SHOX2: variants seen among roughly 807,000 people sequenced by gnomAD.
SHOX2 encodes short stature homeobox protein 2.
SHOX2 carries 13 observed loss-of-function variants against 31.3 expected under a neutral mutation model. That is an observed-to-expected ratio of 0.42 (90% confidence interval 0.27 to 0.66). The LOEUF (loss-of-function observed/expected upper bound fraction) is 0.66, where lower values mean the gene tolerates loss of function less well. SHOX2 is among the 30% of genes least tolerant of loss of function. SHOX2 has a pLI of 0.27. For synonymous variants in SHOX2, 244 were observed against 196.2 expected (o/e 1.24, Z -2.04); for missense variants, 473 against 443.0 (o/e 1.07, Z -0.61).
rs67436323 is a variant in SHOX2, at chr3:158,096,930, A to ATATATATATATATG, written c.*1096_*1097insCATATATATATATA. ...TATATATATATATATATATATATAT[A>ATATATATATATATG]TGGCAAATATATGATATATATATAT... On this transcript the variant is annotated 3_prime_UTR_variant, in exon 5 of 5. Transcript: ENST00000483851. The ATATATATATATATG allele has an allele frequency of 1.5e-3, 152 of 102,124 alleles. 10 individuals are homozygous for ATATATATATATATG. Among genetic ancestry groups the ATATATATATATATG allele is most frequent in the East Asian group, 4.1e-3 (9 of 2,202 alleles). 6.3% of individuals were successfully genotyped at this position (102,124 alleles called of 1,614,324 possible).
intron 1 of SHOX2, chr3:158,103,929 C>T (rs896864962): frequency 6.6e-6 from 1 of 152,282 alleles, no homozygotes; most frequent in Non-Finnish European, 1.5e-5. Flanking sequence ...TCCTGTCCTT[C>T]TCCTCCCTTT....
intron 1 of SHOX2, chr3:158,105,259 T>C: frequency 1.6e-6 from 1 of 644,216 alleles, no homozygotes; most frequent in South Asian, 1.8e-5. Flanking sequence ...CTGCCCCTTC[T>C]CCCTCCCGGC....
intron 1 of SHOX2, among the ~76,000 whole-genome samples, chr3:158,104,786 C>T (rs936616814): frequency 4.6e-5 from 7 of 152,154 alleles, no homozygotes; most frequent in African/African-American, 1.7e-4. Flanking sequence ...TATGTGATTC[C>T]ACGCATGCCA....
chr3:158,105,216 A>C, intron 1 of SHOX2: 2 of 751,112 alleles, frequency 2.7e-6, no homozygotes, highest in Non-Finnish European at 4.7e-6. Context: ...GGCCCCAAAC[A>C]CCTAGGCGAC....
At chr3:158,098,325 G>A (rs1713270110) in intron 4 of SHOX2, 41 bp from the exon 5 acceptor site, 6 of 1,601,784 alleles carry the variant, frequency 3.7e-6, no homozygotes, top group South Asian at 3.4e-5. Context: ...ACTATCCTAG[G>A]GTGACAACAG....
In SHOX2 at chr3:158,106,289, G is replaced by A; in HGVS notation, c.-265C>T. ...GGGAGAAGGGTGAAGAGGAGAGGGA[G>A]GAGGAGGAGGAGAAGAGAAGGGGCG... On this transcript the variant is annotated 5_prime_UTR_variant, in exon 1 of 5. Transcript: ENST00000483851. 2.0e-6 allele frequency: 1 copy of A among 490,904 alleles called. No individual in the cohort carries two copies. Among genetic ancestry groups the A allele is most frequent in the Non-Finnish European group, 3.5e-6 (1 of 284,570 alleles). The allele number at this position is 490,904 out of a possible 1,614,324, so 30.4% of individuals were successfully genotyped here.
In SHOX2 at chr3:158,105,815, G is replaced by GCCGCCT. The variant is rs1337577513; in HGVS notation, c.204_209dup (p.Gly76_Gly77dup). The GCCGCCT allele has an allele frequency of 1.7e-5, 25 of 1,439,130 alleles. No homozygotes were observed. Among genetic ancestry groups the GCCGCCT allele is most frequent in the Non-Finnish European group, 2.2e-5 (24 of 1,086,016 alleles). The allele number at this position is 1,439,130 out of a possible 1,614,324, so 89.1% of individuals were successfully genotyped here. On this transcript the variant is annotated inframe_insertion, in exon 1 of 5. Coordinates refer to ENST00000483851, the MANE Select transcript of SHOX2 (RefSeq NM_001163678.2). ...CTACACCTCCTCCGCCTCCTCCGCC[G>GCCGCCT]CCGCCTCCGCCTCCTCCGCCGCCGC...
chr3:158,097,806 G>T lies in SHOX2; in HGVS notation c.*221C>A, dbSNP rs528334012. ...ATTCTAGGCCCTCGAGTAGGAAAAC[G>T]GGCAGGAGCCACGGAGCCTGCGTGC... On this transcript the variant is annotated 3_prime_UTR_variant, in exon 5 of 5. Coordinates refer to ENST00000483851, the MANE Select transcript of SHOX2 (RefSeq NM_001163678.2). 9.7e-6 allele frequency: 6 copies of T among 619,818 alleles called. No homozygotes were observed. The highest frequency in any genetic ancestry group is 3.7e-5 in the African/African-American group (2 of 54,102). 38.4% of individuals were successfully genotyped at this position (619,818 alleles called of 1,614,324 possible).
At chr3:158,098,695 C>T (rs1713291151) in intron 4 of SHOX2, among the ~76,000 whole-genome samples, 1 of 152,234 alleles carries the variant, frequency 6.6e-6, no homozygotes, top group African/African-American at 2.4e-5. Flanking sequence ...TATCAACAAG[C>T]AAACTACGCA....
intron 4 of SHOX2, among the ~76,000 whole-genome samples, chr3:158,098,637 C>T (rs983531387): frequency 1.3e-5 from 2 of 152,210 alleles, no homozygotes; most frequent in Admixed American, 6.5e-5. Context: ...TTACCCTCTT[C>T]TCTTGATGCT....
At chr3:158,102,932 A>G in intron 1 of SHOX2, 46 bp from the exon 2 acceptor site, 1 of 1,477,126 alleles carries the variant, frequency 6.8e-7, no homozygotes, top group Non-Finnish European at 9.4e-7. Flanking sequence ...CCACACGAAC[A>G]CACACACACA....
chr3:158,102,116 T>C (rs1243616147), intron 2 of SHOX2, among the ~76,000 whole-genome samples: 1 of 152,248 alleles, frequency 6.6e-6, no homozygotes, highest in Non-Finnish European at 1.5e-5. Flanking sequence ...TTCTCCGCTA[T>C]TTCACACACA....
Position 158,098,199 on chromosome 3 carries a change from A to C in SHOX2, c.788T>G (p.Met263Arg). Residue 263 changes from methionine to arginine, a missense_variant, in exon 5 of 5, where the codon ATG becomes AGG. Met to Arg is a moderately conservative substitution (Grantham distance 91). Transcript: ENST00000483851. The part of the protein sequence containing the change: ...HPHLAAHAPY[M>R]MFPAPPFGLP... Reference sequence around the variant, plus strand: ...TCCGAAGGGCGGTGCTGGGAACATCATGTAGGGCGCGTGCGCGGCCAGGTG... The same window carrying C: ...TCCGAAGGGCGGTGCTGGGAACATCCTGTAGGGCGCGTGCGCGGCCAGGTG... 6.2e-7 allele frequency: 1 copy of C among 1,613,862 alleles called. No individual in the cohort carries two copies. The highest frequency in any genetic ancestry group is 8.5e-7 in the Non-Finnish European group (1 of 1,179,878).
At chr3:158,100,891 C>A (rs944159061) in intron 2 of SHOX2, among the ~76,000 whole-genome samples, 28 of 152,156 alleles carry the variant, frequency 1.8e-4, no homozygotes, top group Admixed American at 1.8e-3. Context: ...TAATTTGCTT[C>A]TTTAGAAAAA....
At chr3:158,098,467 G>T in intron 4 of SHOX2, 183 bp from the exon 5 acceptor site, 1 of 733,830 alleles carries the variant, frequency 1.4e-6, no homozygotes. Flanking sequence ...GCTGAATCTG[G>T]GGTTCCACAT....
chr3:158,105,755 C>T lies in SHOX2; in HGVS notation c.270G>A (p.Gly90=). ...GGGAGGGAGG[G]RSPVRELDMG... ...TGTCCAGCTCCCGGACGGGAGAGCG[C>T]CCTCCTCCAGCTCCTCCGCCTGCTC... Residue 90 remains glycine (G), a synonymous_variant, in exon 1 of 5, where the codon GGG becomes GGA. Coordinates refer to ENST00000483851, the MANE Select transcript of SHOX2 (RefSeq NM_001163678.2). The T allele has an allele frequency of 6.6e-7, 1 of 1,522,946 alleles. No individual in the cohort carries two copies. Among genetic ancestry groups the T allele is most frequent in the Non-Finnish European group, 8.8e-7 (1 of 1,136,304 alleles). 94.3% of individuals were successfully genotyped at this position (1,522,946 alleles called of 1,614,324 possible).
chr3:158,105,192 C>A, intron 1 of SHOX2: 1 of 1,046,254 alleles, frequency 9.6e-7, no homozygotes, highest in South Asian at 1.4e-5. Flanking sequence ...CTGCGGAGTT[C>A]GAGGGGTCTT....
intron 2 of SHOX2, 141 bp from the exon 3 acceptor site, chr3:158,100,452 A>C (rs1223036249): frequency 3.6e-6 from 2 of 557,354 alleles, no homozygotes; most frequent in Non-Finnish European, 3.1e-6. Context: ...AATTGTATAA[A>C]ACAGCCTCAA....
Position 158,097,688 on chromosome 3 carries a change from TTGC to T in SHOX2, c.*336_*338del, listed in dbSNP as rs1259158334. On this transcript the variant is annotated 3_prime_UTR_variant, in exon 5 of 5. Transcript: ENST00000483851. The stretch of plus-strand genomic sequence containing the variant: ...TTTTTTTCTATGCAAGAGTCCATCG[TTGC>T]AGCTTTGCGGTGAGCCAAACTCCGC... 1 of 268,056 alleles carries T rather than the reference TTGC, an allele frequency of 3.7e-6. No individual in the cohort carries two copies. The highest frequency in any genetic ancestry group is 6.9e-5 in the East Asian group (1 of 14,482). 16.6% of individuals were successfully genotyped at this position (268,056 alleles called of 1,614,324 possible). A position where few individuals can be genotyped will look rare whatever the true frequency, so the allele number is the denominator to read the frequency against.
Sources: gnomAD v4.1 joint callset for allele counts (sites outside exome capture counted in the v4.1 genomes callset) on GRCh38, gnomAD v4.1.1 for gene constraint, MANE v1.5 for transcripts, NCBI Gene and HGNC (gene_info 2026-07-23, HGNC 2026-07-21) for gene names.